Variants in MSRA observed in about 807,000 individuals in gnomAD.
MSRA encodes methionine sulfoxide reductase A, also known as mitochondrial peptide methionine sulfoxide reductase.
Under a neutral mutation model 31.3 loss-of-function variants are expected in MSRA, and 54 were observed. That is an observed-to-expected ratio of 1.73 (90% CI 1.39 to 2.17). The LOEUF is 2.17. Among genes scored for constraint, MSRA ranks in the 30% most tolerant of loss-of-function variants. The pLI, the probability that MSRA is intolerant of heterozygous loss-of-function variation, is 0.00. For synonymous variants in MSRA, 169 were observed against 116.5 expected, an observed-to-expected ratio of 1.45 and a Z score of -2.90; for missense variants, 507 against 300.9, an observed-to-expected ratio of 1.69 and a Z score of -5.07.
At chr8:10,370,156 C>T (rs919951143) in intron 5 of MSRA, among the ~76,000 whole-genome samples, 4 of 152,208 alleles carry the variant, frequency 2.6e-5, no homozygotes, top group African/African-American at 7.2e-5. Context: ...TTTTCATTCC[C>T]TCAAGCCTGG....
chr8:10,342,852 C>G (rs1480574124), intron 5 of MSRA, among the ~76,000 whole-genome samples: 1 of 152,218 alleles, frequency 6.6e-6, no homozygotes, highest in Non-Finnish European at 1.5e-5. Context: ...CAGCTTGGTT[C>G]CAATCCCAGC....
At chr8:10,329,772 G>A (rs1180874506) in intron 5 of MSRA, among the ~76,000 whole-genome samples, 1 of 151,260 alleles carries the variant, frequency 6.6e-6, no homozygotes, top group Non-Finnish European at 1.5e-5. Flanking sequence ...CTGAACCCCA[G>A]AACACACTCA....
rs748317905 is a variant in MSRA, at chr8:10,096,082, T to C, written c.142+41424T>C. 6 of 1,351,436 alleles carry C rather than the reference T, an allele frequency of 4.4e-6. No homozygotes were observed. In the Admixed American group the frequency reaches 1.2e-4, roughly 26 times the overall value. 83.7% of individuals were successfully genotyped at this position (1,351,436 alleles called of 1,614,324 possible). ...TTTTATTTTATTTTATTTTTAGACA[T>C]TTATAGACATTAACTTTTCAAGGAG... On this transcript the variant is annotated intron_variant, in intron 1 of 5. Coordinates refer to ENST00000317173, the MANE Select transcript of MSRA (RefSeq NM_012331.5).
intron 3 of MSRA, among the ~76,000 whole-genome samples, chr8:10,270,714 G>A (rs1477063429): frequency 1.3e-5 from 2 of 152,204 alleles, no homozygotes; most frequent in African/African-American, 2.4e-5. Context: ...CATTCATAAC[G>A]AGTATTGACA....
chr8:10,105,298 A>G (rs1039823186), intron 1 of MSRA, among the ~76,000 whole-genome samples: 1 of 152,200 alleles, frequency 6.6e-6, no homozygotes, highest in African/African-American at 2.4e-5. Context: ...TGATTTTAGT[A>G]ATAATACATG....
chr8:10,311,499 C>A (rs1035783896), intron 4 of MSRA, among the ~76,000 whole-genome samples: 2 of 152,118 alleles, frequency 1.3e-5, no homozygotes, highest in Non-Finnish European at 2.9e-5. Context: ...CTCAATCACA[C>A]AAGGAACATA....
intron 1 of MSRA, among the ~76,000 whole-genome samples, chr8:10,079,581 C>G (rs539645432): frequency 6.6e-5 from 10 of 152,344 alleles, no homozygotes; most frequent in African/African-American, 2.4e-4. Flanking sequence ...ACTGACTGGT[C>G]TTAAGTGTCA....
chr8:10,244,983 G>A (rs1226210182), intron 2 of MSRA, 121 bp from the exon 3 acceptor site: 3 of 689,564 alleles, frequency 4.4e-6, no homozygotes, highest in Admixed American at 3.3e-5. Flanking sequence ...AGTCATTTTT[G>A]GTTATCAAAT....
chr8:10,335,390 C>A (rs377574553), intron 5 of MSRA, among the ~76,000 whole-genome samples: 1 of 151,562 alleles, frequency 6.6e-6, no homozygotes, highest in African/African-American at 2.4e-5. Context: ...TGCCCCGTGG[C>A]TCCAAAGCCG....
intron 3 of MSRA, among the ~76,000 whole-genome samples, chr8:10,298,152 T>TCGTTGTG (rs1800643777): frequency 6.6e-6 from 1 of 152,210 alleles, no homozygotes; most frequent in African/African-American, 2.4e-5. Context: ...TCTGGCAAAA[T>TCGTTGTG]AGTTGTGAGC....
chr8:10,306,932 C>T lies in MSRA; in HGVS notation c.436+5294C>T, dbSNP rs539027894. ...AGCACCTCTTAGGGGCCAGTCTTAG[C>T]GATAGATGTTTCATAATCCTAATTG... On this transcript the variant is annotated intron_variant, in intron 4 of 5. Coordinates refer to ENST00000317173, the MANE Select transcript of MSRA (RefSeq NM_012331.5). Among the ~76,000 whole-genome samples, 9 of 152,264 alleles carry T rather than the reference C, an allele frequency of 5.9e-5. No homozygotes were observed. The South Asian group carries it at 1.2e-3, about 21-fold the overall frequency.
Position 10,271,048 on chromosome 8 carries a change from T to A in MSRA, c.331+25825T>A, listed in dbSNP as rs116420893. On this transcript the variant is annotated intron_variant, in intron 3 of 5. Transcript: ENST00000317173. ...CTGGCAATAAATAACTTTAAGCTCATGTTTGAGTTCTTTCTTCTTTTTTTT... is the reference window on the plus strand; with the variant it reads ...CTGGCAATAAATAACTTTAAGCTCAAGTTTGAGTTCTTTCTTCTTTTTTTT... Among the ~76,000 whole-genome samples, 991 of 149,482 alleles carry A rather than the reference T, an allele frequency of 6.6e-3. 11 individuals carry two copies. The highest frequency in any genetic ancestry group is 0.023 in the African/African-American group (944 of 40,876).
chr8:10,325,354 A>G (rs958505677), intron 5 of MSRA, among the ~76,000 whole-genome samples: 2 of 152,138 alleles, frequency 1.3e-5, no homozygotes, highest in South Asian at 2.1e-4. Context: ...TATATAATAT[A>G]TAGCTATATA....
chr8:10,198,665 C>T (rs926576988), intron 1 of MSRA, among the ~76,000 whole-genome samples: 9 of 152,068 alleles, frequency 5.9e-5, no homozygotes, highest in Admixed American at 5.9e-4. Context: ...CCTCTGTCAC[C>T]CAGGCTGGAG....
At chr8:10,215,180 T>G (rs1402511609) in intron 2 of MSRA, among the ~76,000 whole-genome samples, 5 of 152,222 alleles carry the variant, frequency 3.3e-5, no homozygotes, top group Non-Finnish European at 5.9e-5. Flanking sequence ...TTCTCCCATT[T>G]CGGTTGTAAG....
chr8:10,361,446 G>A (rs1043393173), intron 5 of MSRA, among the ~76,000 whole-genome samples: 3 of 152,108 alleles, frequency 2.0e-5, no homozygotes, highest in Non-Finnish European at 4.4e-5. Flanking sequence ...CGTGGTTGTG[G>A]CCCTGGGCAA....
At chr8:10,399,019 G>A (rs985894152) in intron 5 of MSRA, among the ~76,000 whole-genome samples, 1 of 152,192 alleles carries the variant, frequency 6.6e-6, no homozygotes, top group Non-Finnish European at 1.5e-5. Flanking sequence ...CAGCAAATCT[G>A]CCAGCCTTTG....
At chr8:10,077,030 A>G (rs1798026801) in intron 1 of MSRA, among the ~76,000 whole-genome samples, 1 of 142,368 alleles carries the variant, frequency 7.0e-6, no homozygotes, top group Non-Finnish European at 1.5e-5. Flanking sequence ...CATCCTGCAC[A>G]TGTACCTCAG....
At chr8:10,349,981 C>T (rs150410956) in intron 5 of MSRA, among the ~76,000 whole-genome samples, 3 of 152,250 alleles carry the variant, frequency 2.0e-5, no homozygotes, top group African/African-American at 7.2e-5. Flanking sequence ...TTCCAGCTAC[C>T]GCTGAAGCTT....
Sources: gnomAD v4.1 joint callset for allele counts (sites outside exome capture counted in the v4.1 genomes callset) on GRCh38, gnomAD v4.1.1 for gene constraint, MANE v1.5 for transcripts, NCBI Gene and HGNC (gene_info 2026-07-23, HGNC 2026-07-21) for gene names.